The following PCBD2 variants were observed in gnomAD, a reference collection of about 807,000 sequenced individuals.
PCBD2 encodes pterin-4 alpha-carbinolamine dehydratase 2.
In PCBD2, 12 loss-of-function variants were observed where a neutral mutation model predicts 16.4. The observed-to-expected ratio is 0.73, with a 90% confidence interval of 0.47 to 1.19. The LOEUF is 1.19. Ranked by LOEUF, PCBD2 falls within the 50% of genes most tolerant of loss-of-function variation. The probability of loss-of-function intolerance (pLI) is 0.00; values close to 1 mark genes in which losing one functional copy is unlikely to be tolerated. For synonymous variants in PCBD2, 58 were observed against 61.8 expected (o/e 0.94, Z 0.29); for missense variants, 138 against 156.8 (o/e 0.88, Z 0.64).
At chr5:134,906,885 C>T (rs1007925828) in intron 1 of PCBD2, among the ~76,000 whole-genome samples, 12 of 152,324 alleles carry the variant, frequency 7.9e-5, no homozygotes, top group African/African-American at 2.9e-4. Flanking sequence ...AGCCTACCCC[C>T]CATCCCCTGA....
At chr5:134,905,669 A>G (rs1387530551) in intron 1 of PCBD2, 1 of 158,770 alleles carries the variant, frequency 6.3e-6, no homozygotes, top group Non-Finnish European at 1.4e-5. Flanking sequence ...GGAGTTATTA[A>G]TAAATTGTCT....
intron 2 of PCBD2, among the ~76,000 whole-genome samples, chr5:134,935,139 C>G (rs1401107991): frequency 6.6e-6 from 1 of 152,208 alleles, no homozygotes; most frequent in Non-Finnish European, 1.5e-5. Context: ...TGTTTCTGCA[C>G]TGATTGGATT....
chr5:134,905,595 C>T (rs974260826), intron 1 of PCBD2: 7 of 191,312 alleles, frequency 3.7e-5, no homozygotes, highest in Middle Eastern at 3.7e-3. Flanking sequence ...CGCTGCGGGC[C>T]TGGCTCCCTA....
At chr5:134,937,783 C>CA (rs1751177697) in intron 2 of PCBD2, among the ~76,000 whole-genome samples, 1 of 152,230 alleles carries the variant, frequency 6.6e-6, no homozygotes, top group Non-Finnish European at 1.5e-5. Context: ...ATTTCGTTCA[C>CA]AAACAATCAC....
intron 2 of PCBD2, among the ~76,000 whole-genome samples, chr5:134,934,219 G>A (rs1258912940): frequency 6.6e-6 from 1 of 152,002 alleles, no homozygotes; most frequent in African/African-American, 2.4e-5. Flanking sequence ...TTGTCTCTGG[G>A]TGATATTGCT....
At chr5:134,910,995 C>T (rs1750762685) in intron 2 of PCBD2, among the ~76,000 whole-genome samples, 1 of 152,106 alleles carries the variant, frequency 6.6e-6, no homozygotes, top group African/African-American at 2.4e-5. Flanking sequence ...GCTATGTTGC[C>T]CAGACTGGTC....
intron 2 of PCBD2, among the ~76,000 whole-genome samples, chr5:134,940,218 C>T (rs1751209172): frequency 6.6e-6 from 1 of 152,184 alleles, no homozygotes; most frequent in South Asian, 2.1e-4. Flanking sequence ...CAGAGTACCA[C>T]TTTTGTAAAT....
intron 2 of PCBD2, among the ~76,000 whole-genome samples, chr5:134,958,797 G>C (rs972863758): frequency 2.0e-5 from 3 of 152,200 alleles, no homozygotes; most frequent in Non-Finnish European, 2.9e-5. Context: ...GGGTCACTAG[G>C]TGAGACCAAT....
chr5:134,916,850 A>G (rs1166047515), intron 2 of PCBD2, among the ~76,000 whole-genome samples: 2 of 152,248 alleles, frequency 1.3e-5, no homozygotes, highest in African/African-American at 4.8e-5. Flanking sequence ...GTCAATGGAC[A>G]GTATGTTGGT....
chr5:134,950,313 T>C (rs747880956), intron 2 of PCBD2, among the ~76,000 whole-genome samples: 38 of 152,200 alleles, frequency 2.5e-4, no homozygotes, highest in Non-Finnish European at 5.0e-4. Flanking sequence ...AAATAGTCTA[T>C]AATCAAAATA....
At chr5:134,916,073 G>C (rs1319014535) in intron 2 of PCBD2, among the ~76,000 whole-genome samples, 1 of 152,184 alleles carries the variant, frequency 6.6e-6, no homozygotes, top group Non-Finnish European at 1.5e-5. Context: ...TGGGTTGCTT[G>C]AGCCAAGGAG....
intron 1 of PCBD2, among the ~76,000 whole-genome samples, chr5:134,908,065 A>G (rs1750719000): frequency 6.6e-6 from 1 of 151,056 alleles, no homozygotes; most frequent in Non-Finnish European, 1.5e-5. Flanking sequence ...GACTATGGAC[A>G]TGGTCCACCA....
chr5:134,910,016 G>A lies in PCBD2; in HGVS notation c.85-319G>A, dbSNP rs1230367822. On this transcript the variant is annotated intron_variant, in intron 1 of 3. Transcript: ENST00000254908. ...GCCCAGGAGGCGGAGGTTGCAGTGA[G>A]CTGTGATTGCACCACTACGCTCCAG... Among the ~76,000 whole-genome samples the A allele has an allele frequency of 2.0e-5, 3 of 152,218 alleles. No homozygotes were observed. In the East Asian group the frequency reaches 5.8e-4, roughly 29 times the overall value.
intron 2 of PCBD2, among the ~76,000 whole-genome samples, chr5:134,944,908 T>A (rs866355534): frequency 1.8e-4 from 27 of 152,224 alleles, no homozygotes; most frequent in South Asian, 4.1e-4. Flanking sequence ...CTTTGTATTA[T>A]GTTACTTTAA....
rs530839232 is a variant in PCBD2, at chr5:134,962,080, G to C, written c.*1399G>C. ...CCAGCCAGTATAACAGTTTGTGTGT[G>C]TGTGTGTGTGTGTGTGTGTGTGTGT... On this transcript the variant is annotated 3_prime_UTR_variant, in exon 4 of 4. Transcript: ENST00000254908. Among the ~76,000 whole-genome samples, 1 of 150,330 alleles carries C rather than the reference G, an allele frequency of 6.7e-6. No homozygotes were observed. Among genetic ancestry groups the C allele is most frequent in the Non-Finnish European group, 1.5e-5 (1 of 67,504 alleles).
chr5:134,907,124 CTTAT>C (rs1750702236), intron 1 of PCBD2, among the ~76,000 whole-genome samples: 1 of 152,252 alleles, frequency 6.6e-6, no homozygotes, highest in South Asian at 2.1e-4. Context: ...AGGTTCCTGC[CTTAT>C]TACAGGCAGC....
rs1751479135 is a variant in PCBD2 at position 134,961,677 on chromosome 5, C to A, written c.*996C>A. On this transcript the variant is annotated 3_prime_UTR_variant, in exon 4 of 4. Coordinates refer to ENST00000254908, the MANE Select transcript of PCBD2 (RefSeq NM_032151.5). ...CAAGCAATTCTGGTGACTACAAATG[C>A]ATTGTTTTGGAGAATAGTTGTAAGG... Among the ~76,000 whole-genome samples, 4 of 152,282 alleles carry A rather than the reference C, an allele frequency of 2.6e-5. No individual in the cohort carries two copies. In the South Asian group the frequency reaches 8.3e-4, roughly 32 times the overall value.
chr5:134,907,014 A>AGGT (rs1750699687), intron 1 of PCBD2, among the ~76,000 whole-genome samples: 1 of 152,168 alleles, frequency 6.6e-6, no homozygotes. Context: ...GCTGCTGGGC[A>AGGT]GGTGTCTGTT....
intron 2 of PCBD2, among the ~76,000 whole-genome samples, chr5:134,934,610 C>T (rs1164195472): frequency 6.6e-6 from 1 of 152,150 alleles, no homozygotes; most frequent in African/African-American, 2.4e-5. Flanking sequence ...ACATCTATGC[C>T]TCTTAAATAT....
Sources: allele counts gnomAD v4.1 joint callset (sites outside exome capture counted in the v4.1 genomes callset), GRCh38; gene constraint gnomAD v4.1.1; transcripts MANE v1.5; gene names NCBI Gene and HGNC (gene_info 2026-07-23, HGNC 2026-07-21).